Variants in SYNPR observed in about 807,000 individuals in gnomAD.
The protein encoded by SYNPR is synaptoporin.
SYNPR carries 23 observed loss-of-function variants against 32.9 expected under a neutral mutation model. The ratio of observed to expected loss-of-function variants is 0.70; its 90% CI spans 0.50 to 0.99. SYNPR has a LOEUF of 0.99. SYNPR is among the 50% of genes least tolerant of loss of function. SYNPR has a pLI of 0.00. For synonymous variants in SYNPR, 146 were observed against 135.9 expected (o/e 1.07, Z -0.52); for missense variants, 318 against 349.3 (o/e 0.91, Z 0.71).
At chr3:63,346,429 T>C (rs146711596) in intron 2 of SYNPR, among the ~76,000 whole-genome samples, 24 of 152,282 alleles carry the variant, frequency 1.6e-4, no homozygotes, top group South Asian at 6.2e-4. Context: ...AACTGAGAAG[T>C]TGTACTAATG....
At chr3:63,287,225 T>A (rs1282352380) in intron 2 of SYNPR, among the ~76,000 whole-genome samples, 1 of 152,234 alleles carries the variant, frequency 6.6e-6, no homozygotes, top group Non-Finnish European at 1.5e-5. Context: ...TCTTGCTCTG[T>A]ACACGTTTCA....
chr3:63,542,158 C>T (rs527458730), intron 3 of SYNPR, among the ~76,000 whole-genome samples: 3 of 152,234 alleles, frequency 2.0e-5, no homozygotes, highest in South Asian at 2.1e-4. Flanking sequence ...ACTAGAATCT[C>T]GTTCTCTCTC....
At chr3:63,220,483 T>G in the SYNPR span, among the ~76,000 whole-genome samples, 1 of 152,158 alleles carries the variant, frequency 6.6e-6, no homozygotes, top group Non-Finnish European at 1.5e-5. Flanking sequence ...ATTTTTCCTT[T>G]GCCAGCTGCT....
intron 4 of SYNPR, among the ~76,000 whole-genome samples, chr3:63,570,593 A>G (rs1310700337): frequency 1.3e-5 from 2 of 151,974 alleles, no homozygotes; most frequent in Non-Finnish European, 1.5e-5. Context: ...TCAAAATTCA[A>G]CTCATCTTCA....
Position 63,408,311 on chromosome 3 carries a change from G to A in SYNPR, c.85-72521G>A, listed in dbSNP as rs866117929. Among the ~76,000 whole-genome samples, 85 of 72,316 alleles carry A rather than the reference G, an allele frequency of 1.2e-3. 4 individuals carry two copies. The highest frequency in any genetic ancestry group is 6.1e-3 in the African/African-American group (69 of 11,306). The allele number at this position is 72,316 out of a possible 152,430, so 47.4% of individuals were successfully genotyped here. ...AGGAAGGAAGGAAGGAAGGAAGGAA[G>A]GAAGGAAGGAAAGAAAGAAAGAAAG... On this transcript the variant is annotated intron_variant, in intron 2 of 5. Transcript: ENST00000478300.
At chr3:63,221,456 GA>G in the SYNPR span, among the ~76,000 whole-genome samples, 1 of 152,062 alleles carries the variant, frequency 6.6e-6, no homozygotes, top group Admixed American at 6.5e-5. Flanking sequence ...AATCTTTGAG[GA>G]TAAAGTGCAA....
intron 2 of SYNPR, among the ~76,000 whole-genome samples, chr3:63,428,441 T>A (rs1699928933): frequency 6.6e-6 from 1 of 152,252 alleles, no homozygotes; most frequent in African/African-American, 2.4e-5. Flanking sequence ...AGATAGCTAT[T>A]AGAAGCATGA....
chr3:63,292,293 T>C (rs1464979751), intron 2 of SYNPR, among the ~76,000 whole-genome samples: 3 of 152,208 alleles, frequency 2.0e-5, no homozygotes, highest in East Asian at 1.9e-4. Flanking sequence ...GTATATAGCA[T>C]GTAATGCTCA....
intron 3 of SYNPR, among the ~76,000 whole-genome samples, chr3:63,550,844 C>T (rs777980910): frequency 6.6e-6 from 1 of 152,212 alleles, no homozygotes; most frequent in African/African-American, 2.4e-5. Flanking sequence ...TATAATTTGG[C>T]CACCTGGCCA....
intron 1 of SYNPR, among the ~76,000 whole-genome samples, chr3:63,239,778 C>T (rs138960357): frequency 1.3e-4 from 20 of 151,632 alleles, no homozygotes; most frequent in African/African-American, 4.8e-4. Context: ...CTACCATTGT[C>T]AAGTATGTCA....
rs760932110 is a variant in SYNPR at position 63,324,849 on chromosome 3, C to T, written c.84+46107C>T. Among the ~76,000 whole-genome samples the T allele has an allele frequency of 1.7e-4, 26 of 152,058 alleles. 1 individual carries two copies. The highest frequency in any genetic ancestry group is 6.8e-3 in the Middle Eastern group (2 of 294). ...CAGAATTAGCCTGGCCAGATGGTGA[C>T]GGGTAACTGACTGTTCTACACGGAC... On this transcript the variant is annotated intron_variant, in intron 2 of 5. Coordinates refer to ENST00000478300, the MANE Select transcript of SYNPR (RefSeq NM_001130003.2).
chr3:63,554,338 T>A (rs1702558536), intron 3 of SYNPR, among the ~76,000 whole-genome samples: 1 of 152,224 alleles, frequency 6.6e-6, no homozygotes, highest in Non-Finnish European at 1.5e-5. Flanking sequence ...TTCCAGGAGT[T>A]TGAGGTCTTA....
At chr3:63,243,156 G>A (rs958903282) in intron 1 of SYNPR, among the ~76,000 whole-genome samples, 41 of 151,838 alleles carry the variant, frequency 2.7e-4, no homozygotes, top group Admixed American at 3.3e-4. Context: ...TGTTAGAAGA[G>A]AAAATAATCA....
chr3:63,316,068 C>T (rs1329201603), intron 2 of SYNPR, among the ~76,000 whole-genome samples: 1 of 151,842 alleles, frequency 6.6e-6, no homozygotes, highest in Non-Finnish European at 1.5e-5. Context: ...TTAAACCATC[C>T]CTGCATCCCT....
At chr3:63,495,143 C>T (rs759433382) in intron 3 of SYNPR, among the ~76,000 whole-genome samples, 2 of 152,178 alleles carry the variant, frequency 1.3e-5, no homozygotes, top group African/African-American at 2.4e-5. Flanking sequence ...TTGTTGCTGA[C>T]ACAGTTTGTA....
intron 2 of SYNPR, among the ~76,000 whole-genome samples, chr3:63,417,770 C>T (rs1575633881): frequency 6.6e-6 from 1 of 152,216 alleles, no homozygotes; most frequent in Non-Finnish European, 1.5e-5. Context: ...TCTACCTTGG[C>T]CCCTTTTAGT....
At chr3:63,424,858 G>A (rs1165941442) in intron 2 of SYNPR, among the ~76,000 whole-genome samples, 1 of 152,180 alleles carries the variant, frequency 6.6e-6, no homozygotes, top group Non-Finnish European at 1.5e-5. Flanking sequence ...TATTCAGTGA[G>A]AGGGAAGGAC....
intron 2 of SYNPR, among the ~76,000 whole-genome samples, chr3:63,451,061 C>T (rs1257826713): frequency 6.6e-6 from 1 of 152,160 alleles, no homozygotes; most frequent in East Asian, 1.9e-4. Flanking sequence ...ATTCATCTGC[C>T]ATCTTGGGGC....
chr3:63,384,564 C>A (rs74461194), intron 2 of SYNPR, among the ~76,000 whole-genome samples: 1 of 152,068 alleles, frequency 6.6e-6, no homozygotes, highest in East Asian at 1.9e-4. Flanking sequence ...AGAAAAGGAA[C>A]GAACAATATG....
Sources: gnomAD v4.1 joint callset for allele counts (sites outside exome capture counted in the v4.1 genomes callset) on GRCh38, gnomAD v4.1.1 for gene constraint, MANE v1.5 for transcripts, NCBI Gene and HGNC (gene_info 2026-07-23, HGNC 2026-07-21) for gene names.